CNIH3: variants seen among roughly 807,000 people sequenced by gnomAD.
The protein encoded by CNIH3 is protein cornichon homolog 3.
CNIH3 carries 14 observed loss-of-function variants against 24.1 expected under a neutral mutation model. That is an observed-to-expected ratio of 0.58 (90% confidence interval 0.38 to 0.91). The LOEUF (loss-of-function observed/expected upper bound fraction) is 0.91. CNIH3 is among the 40% of genes least tolerant of loss of function. CNIH3 has a pLI of 0.00. For missense variants in CNIH3, 178 were observed against 196.8 expected (o/e 0.90, Z 0.57); for synonymous variants, 68 against 73.8 (o/e 0.92, Z 0.40).
intron 1 of CNIH3, among the ~76,000 whole-genome samples, chr1:224,442,843 T>G (rs1674980024): frequency 6.6e-6 from 1 of 152,200 alleles, no homozygotes; most frequent in Non-Finnish European, 1.5e-5. Flanking sequence ...GTAGCCACTG[T>G]TTAAATTCCT....
At chr1:224,730,307 A>G in intron 3 of CNIH3, 155 bp from the exon 4 acceptor site, 1 of 576,518 alleles carries the variant, frequency 1.7e-6, no homozygotes, top group Non-Finnish European at 3.1e-6. Flanking sequence ...CCAGAAATGG[A>G]TCTGTGTTGG....
Position 224,439,396 on chromosome 1 carries a change from C to A in CNIH3, n.203+4534C>A, listed in dbSNP as rs146880083. Among the ~76,000 whole-genome samples, 649 of 152,122 alleles carry A rather than the reference C, an allele frequency of 4.3e-3. 11 individuals are homozygous for A. Among genetic ancestry groups the A allele is most frequent in the Non-Finnish European group, 4.4e-3 (296 of 68,000 alleles). ...AGTAGCCCTCTCATGTTCTTGAGAC[C>A]CATTTGATATAAATAACAATGTTGC... On this transcript the variant is annotated intron_variant and non_coding_transcript_variant, in intron 1 of 5. Coordinates refer to the CNIH3 transcript ENST00000471578.
chr1:224,504,208 T>C (rs951438236), intron 1 of CNIH3, among the ~76,000 whole-genome samples: 3 of 152,186 alleles, frequency 2.0e-5, no homozygotes, highest in Non-Finnish European at 4.4e-5. Context: ...TTTTCTCACC[T>C]GGGAGGGACA....
intron 1 of CNIH3, among the ~76,000 whole-genome samples, chr1:224,518,274 T>C (rs1025336143): frequency 1.3e-5 from 2 of 152,224 alleles, no homozygotes; most frequent in Admixed American, 1.3e-4. Flanking sequence ...GAGTGCAAAA[T>C]ACTGGGGATG....
chr1:224,676,541 G>A (rs1218524136), intron 1 of CNIH3, among the ~76,000 whole-genome samples: 4 of 152,108 alleles, frequency 2.6e-5, no homozygotes, highest in East Asian at 3.8e-4. Flanking sequence ...TGATCTTATC[G>A]TTGGTTTAGC....
intron 3 of CNIH3, among the ~76,000 whole-genome samples, chr1:224,687,970 G>C (rs959330944): frequency 6.6e-5 from 10 of 152,218 alleles, no homozygotes; most frequent in Non-Finnish European, 1.3e-4. Flanking sequence ...GGAGTCTGCA[G>C]ACTGGCTGGT....
At chr1:224,656,233 C>G (rs1389465458) in intron 1 of CNIH3, among the ~76,000 whole-genome samples, 1 of 152,176 alleles carries the variant, frequency 6.6e-6, no homozygotes, top group African/African-American at 2.4e-5. Flanking sequence ...ACTCAAAGTA[C>G]CTGGTTTGCA....
chr1:224,629,099 C>T (rs1157945090), intron 1 of CNIH3, among the ~76,000 whole-genome samples: 10 of 151,738 alleles, frequency 6.6e-5, no homozygotes, highest in South Asian at 2.1e-4. Flanking sequence ...CTCTGCCTCC[C>T]GGGTTCAAGC....
chr1:224,485,226 G>A (rs113793413), intron 1 of CNIH3, among the ~76,000 whole-genome samples: 242 of 152,304 alleles, frequency 1.6e-3, no homozygotes, highest in African/African-American at 5.7e-3. Flanking sequence ...CAAGATGGTA[G>A]CTTTTCTTGG....
intron 3 of CNIH3, 63 bp from the exon 4 acceptor site, chr1:224,730,399 C>T: frequency 9.3e-7 from 1 of 1,074,244 alleles, no homozygotes; most frequent in Non-Finnish European, 1.4e-6. Context: ...AGTCAGCTGC[C>T]ATAGAAGCAG....
intron 1 of CNIH3, among the ~76,000 whole-genome samples, chr1:224,636,890 A>G (rs948824761): frequency 6.6e-5 from 10 of 151,810 alleles, no homozygotes; most frequent in African/African-American, 1.9e-4. Flanking sequence ...TCTATCATCT[A>G]TCTATCTACA....
chr1:224,725,645 C>A (rs769021658), intron 3 of CNIH3, among the ~76,000 whole-genome samples: 4 of 152,144 alleles, frequency 2.6e-5, no homozygotes, highest in African/African-American at 7.2e-5. Context: ...ATGCTGACAC[C>A]AGCCCCTCAG....
At chr1:224,734,161 ATAAGGGTCTGTGTAAAGTAGTTT>A in intron 4 of CNIH3, among the ~76,000 whole-genome samples, 1 of 152,348 alleles carries the variant, frequency 6.6e-6, no homozygotes, top group Non-Finnish European at 1.5e-5. Flanking sequence ...AGGATTTTCA[ATAAGGGTCTGTGTAAAGTAGTTT>A]TAGGGTAGAA....
At chr1:224,681,220 AAATCAGATGTGACTGT>A (rs1377774343) in intron 2 of CNIH3, among the ~76,000 whole-genome samples, 194 bp downstream of exon 2, 1 of 152,184 alleles carries the variant, frequency 6.6e-6, no homozygotes, top group African/African-American at 2.4e-5. Flanking sequence ...GATATGTTGC[AAATCAGATGTGACTGT>A]CCCAGTAACC....
At chr1:224,502,738 C>T (rs186121404) in intron 1 of CNIH3, among the ~76,000 whole-genome samples, 6 of 152,302 alleles carry the variant, frequency 3.9e-5, no homozygotes, top group East Asian at 1.9e-4. Context: ...TAGTTTTCAC[C>T]GCTGGGTGTT....
intron 1 of CNIH3, among the ~76,000 whole-genome samples, chr1:224,659,580 G>A (rs1157751070): frequency 6.6e-6 from 1 of 152,120 alleles, no homozygotes; most frequent in Admixed American, 6.5e-5. Context: ...AGGGTCATGA[G>A]TGAACCTTAT....
At chr1:224,634,403 T>C (rs1163450147) in intron 1 of CNIH3, among the ~76,000 whole-genome samples, 1 of 152,104 alleles carries the variant, frequency 6.6e-6, no homozygotes, top group East Asian at 1.9e-4. Context: ...ACCCCGTCTC[T>C]ACTAAAAGTA....
chr1:224,441,717 A>G (rs1298617846), intron 1 of CNIH3, among the ~76,000 whole-genome samples: 5 of 152,238 alleles, frequency 3.3e-5, no homozygotes. Context: ...GAAAAATTTT[A>G]AAGACTGTAG....
At chr1:224,631,263 G>T (rs960901968) in intron 1 of CNIH3, among the ~76,000 whole-genome samples, 1 of 152,174 alleles carries the variant, frequency 6.6e-6, no homozygotes, top group Admixed American at 6.5e-5. Context: ...TTTCATCCTA[G>T]CAAGGGAGGA....
Sources: allele counts gnomAD v4.1 joint callset (sites outside exome capture counted in the v4.1 genomes callset), GRCh38; gene constraint gnomAD v4.1.1; transcripts MANE v1.5; gene names NCBI Gene and HGNC (gene_info 2026-07-23, HGNC 2026-07-21).